The following HYDIN variants were observed in gnomAD, a reference collection of about 807,000 sequenced individuals.
HYDIN encodes axonemal central pair apparatus protein HYDIN.
In HYDIN, 132 loss-of-function variants were observed where a neutral mutation model predicts 403.9. The observed-to-expected ratio is 0.33, with a 90% CI of 0.28 to 0.38. HYDIN has a LOEUF of 0.38. HYDIN is among the 10% of genes least tolerant of loss of function. The pLI, the probability that HYDIN is intolerant of heterozygous loss-of-function variation, is 1.00. For missense variants in HYDIN, 2,827 were observed against 5,009.5 expected (o/e 0.56, Z 13.15); for synonymous variants, 1,202 against 1,891.7 (o/e 0.64, Z 9.46).
At chr16:71,117,507 T>C (rs1224467973) in intron 9 of HYDIN, among the ~76,000 whole-genome samples, 1 of 152,222 alleles carries the variant, frequency 6.6e-6, no homozygotes, top group Non-Finnish European at 1.5e-5. Context: ...ATTTTTGTGC[T>C]ACTTAGAAGG....
At chr16:70,856,768 C>A (rs2039051349) in intron 72 of HYDIN, among the ~76,000 whole-genome samples, 1 of 152,170 alleles carries the variant, frequency 6.6e-6, no homozygotes, top group Admixed American at 6.5e-5. Flanking sequence ...TGCCATAATT[C>A]CCCCTCCCAC....
intron 19 of HYDIN, among the ~76,000 whole-genome samples, chr16:71,030,435 C>CTT (rs74603771): frequency 2.3e-4 from 29 of 128,488 alleles, no homozygotes; most frequent in African/African-American, 5.0e-4. Context: ...TCTTTTCTTT[C>CTT]TTTTTTTTTT....
At chr16:70,818,616 G>A (rs1490585978) in intron 83 of HYDIN, 44 bp from the exon 84 acceptor site, 2 of 695,650 alleles carry the variant, frequency 2.9e-6, no homozygotes, top group South Asian at 3.3e-5. Context: ...AAGAGTAGGG[G>A]TGAGCCGAGG....
At chr16:70,809,098 T>C (rs1290051332) in intron 85 of HYDIN, among the ~76,000 whole-genome samples, 1 of 152,222 alleles carries the variant, frequency 6.6e-6, no homozygotes, top group Non-Finnish European at 1.5e-5. Flanking sequence ...TGTTTTTAAA[T>C]AGAGATGAGG....
chr16:70,929,304 A>AC (rs1236076447), intron 45 of HYDIN, among the ~76,000 whole-genome samples: 2 of 140,674 alleles, frequency 1.4e-5, no homozygotes, highest in Non-Finnish European at 3.1e-5. Flanking sequence ...AAACAAAACA[A>AC]AACAACAACA....
In HYDIN at chr16:70,834,183, A is replaced by G. The variant is rs1597075263; in HGVS notation, c.13402-19T>C. The stretch of plus-strand genomic sequence containing the variant: ...TAAGGACCTGAATGAAATAGCACCC[A>G]GAGTCAGCAGCTGAGGGTGGGAGGC... On this transcript the variant is annotated intron_variant, in intron 78 of 85. Transcript: ENST00000393567. 1 of 1,612,870 alleles carries G rather than the reference A, an allele frequency of 6.2e-7. No individual in the cohort carries two copies. Among genetic ancestry groups the G allele is most frequent in the Non-Finnish European group, 8.5e-7 (1 of 1,179,624 alleles).
chr16:70,811,840 A>C (rs1269002100), intron 84 of HYDIN, among the ~76,000 whole-genome samples: 1 of 146,964 alleles, frequency 6.8e-6, no homozygotes, highest in Non-Finnish European at 1.5e-5. Flanking sequence ...CTGGGCCACA[A>C]GAGCAAAACT....
At chr16:71,038,812 C>G (rs967074782) in intron 18 of HYDIN, among the ~76,000 whole-genome samples, 3 of 151,076 alleles carry the variant, frequency 2.0e-5, no homozygotes, top group African/African-American at 7.3e-5. Flanking sequence ...GCATGTGCCA[C>G]CATGCCTGGC....
At chr16:70,809,003 C>T (rs1029466758) in intron 85 of HYDIN, among the ~76,000 whole-genome samples, 1 of 152,182 alleles carries the variant, frequency 6.6e-6, no homozygotes, top group Non-Finnish European at 1.5e-5. Flanking sequence ...GCTCAAACTG[C>T]TTATGCCCAG....
Position 70,807,628 on chromosome 16 carries a change from A to T in HYDIN, c.15318T>A (p.Ser5106Arg). 6.2e-7 allele frequency: 1 copy of T among 1,613,766 alleles called. No homozygotes were observed. Reference sequence around the variant, plus strand: ...AATAAACCCATTTAACTCCAGTCTCACTCCCTTCACCAGGAGGGCAGCTCA... The same window carrying T: ...AATAAACCCATTTAACTCCAGTCTCTCTCCCTTCACCAGGAGGGCAGCTCA... ...LTVSCPPGEG[S>R]ETGVKWVYYL... Residue 5106 changes from serine (S) to arginine (R), a missense_variant, in exon 86 of 86, where the codon AGT becomes AGA. By Grantham distance (110) the Ser-to-Arg change is moderately radical (BLOSUM62 -1). Transcript: ENST00000393567.
Position 70,807,394 on chromosome 16 carries a change from T to C in HYDIN, c.*186A>G. ...AATATAGAGCTGTTGTGTGTAGTTA[T>C]AATGTTTAATATGGAATAGATATTT... On this transcript the variant is annotated 3_prime_UTR_variant, in exon 86 of 86. Coordinates refer to ENST00000393567, the MANE Select transcript of HYDIN (RefSeq NM_001270974.2). The C allele has an allele frequency of 1.6e-6, 1 of 626,320 alleles. No homozygotes were observed. The highest frequency in any genetic ancestry group is 2.8e-5 in the East Asian group (1 of 35,150). 38.8% of individuals were successfully genotyped at this position (626,320 alleles called of 1,614,324 possible).
intron 73 of HYDIN, among the ~76,000 whole-genome samples, chr16:70,852,157 G>A (rs2143584597): frequency 8.0e-6 from 1 of 125,276 alleles, no homozygotes; most frequent in Middle Eastern, 3.6e-3. Flanking sequence ...TAACGATTGG[G>A]TACTAAGCTC....
intron 28 of HYDIN, among the ~76,000 whole-genome samples, chr16:70,984,243 T>C (rs961006797): frequency 6.6e-6 from 1 of 151,382 alleles, no homozygotes; most frequent in Non-Finnish European, 1.5e-5. Context: ...AATACAAAAA[T>C]TAGCTGGGTG....
At chr16:71,130,547 G>A (rs924923127) in intron 8 of HYDIN, among the ~76,000 whole-genome samples, 1 of 146,372 alleles carries the variant, frequency 6.8e-6, no homozygotes, top group African/African-American at 2.5e-5. Context: ...GACTGCAGTG[G>A]CGCAATCTCG....
intron 45 of HYDIN, among the ~76,000 whole-genome samples, chr16:70,930,238 T>A (rs956736819): frequency 1.4e-4 from 22 of 152,272 alleles, no homozygotes; most frequent in African/African-American, 5.1e-4. Flanking sequence ...CCCAGCACTT[T>A]CAGAGGCCGA....
At chr16:71,035,494 G>C (rs1284767414) in intron 18 of HYDIN, among the ~76,000 whole-genome samples, 1 of 130,438 alleles carries the variant, frequency 7.7e-6, no homozygotes, top group East Asian at 2.0e-4. Flanking sequence ...CAGTAGATAG[G>C]AATCTTTGAC....
intron 3 of HYDIN, among the ~76,000 whole-genome samples, chr16:71,183,138 A>G (rs2086976227): frequency 6.6e-6 from 1 of 152,052 alleles, no homozygotes; most frequent in Non-Finnish European, 1.5e-5. Flanking sequence ...CTTAAACTGG[A>G]ATGGTGGTGG....
chr16:70,914,267 A>T (rs1170849992), intron 47 of HYDIN, among the ~76,000 whole-genome samples: 2 of 151,670 alleles, frequency 1.3e-5, no homozygotes, highest in Admixed American at 1.3e-4. Flanking sequence ...TTCTGTTTTG[A>T]TGTGTTTCCA....
intron 23 of HYDIN, among the ~76,000 whole-genome samples, chr16:71,002,274 G>C (rs2144076181): frequency 6.6e-6 from 1 of 152,342 alleles, no homozygotes; most frequent in East Asian, 1.9e-4. Context: ...GGCTAGGCAA[G>C]GTGGCTGACA....
Sources: allele counts gnomAD v4.1 joint callset (sites outside exome capture counted in the v4.1 genomes callset), GRCh38; gene constraint gnomAD v4.1.1; transcripts MANE v1.5; gene names NCBI Gene and HGNC (gene_info 2026-07-23, HGNC 2026-07-21).